NEBL: variants seen among roughly 807,000 people sequenced by gnomAD.
NEBL encodes nebulette.
NEBL carries 122 observed loss-of-function variants against 140.2 expected under a neutral mutation model. The observed-to-expected ratio is 0.87, with a 90% confidence interval of 0.75 to 1.01. The LOEUF (loss-of-function observed/expected upper bound fraction) is 1.01, where lower values mean the gene tolerates loss of function less well. Among genes scored for constraint, NEBL ranks in the 50% least tolerant of loss-of-function variants. The pLI is 0.00. For missense variants in NEBL, 1,365 were observed against 1,231.3 expected (o/e 1.11, Z -1.62); for synonymous variants, 436 against 398.9 (o/e 1.09, Z -1.11).
At chr10:20,955,669 T>C (rs1173053473) in intron 4 of NEBL, among the ~76,000 whole-genome samples, 1 of 152,128 alleles carries the variant, frequency 6.6e-6, no homozygotes, top group Non-Finnish European at 1.5e-5. Context: ...GAAAGTATTT[T>C]AGTGGGTCAT....
intron 3 of NEBL, among the ~76,000 whole-genome samples, chr10:21,244,999 A>C (rs139701484): frequency 0.015 from 2,340 of 151,932 alleles, 55 homozygotes; most frequent in African/African-American, 0.052. Flanking sequence ...TCTAAAAAAA[A>C]AAAAAAAAAT....
In NEBL at chr10:20,785,914, G is replaced by A. The variant is rs778566872; in HGVS notation, c.2878C>T (p.Arg960Ter). 5 of 1,613,662 alleles carry A rather than the reference G, an allele frequency of 3.1e-6. No individual in the cohort carries two copies. The highest frequency in any genetic ancestry group is 4.2e-6 in the Non-Finnish European group (5 of 1,179,828). ...MQHSPNLRTY[R>*]AMYDYSAQDE... is the part of the protein sequence containing the mutation. ...TGGGCACTGTAATCGTACATGGCTC[G>A]GTAGGTCCTCTGAGAAAGGAAGAAG... The change falls in exon 28 of 28, where the codon CGA (arginine) becomes TGA (stop). Residue 960 changes from arginine (R) to a stop codon, truncating the protein, a stop_gained. Transcript: ENST00000377122. LOFTEE classifies it high-confidence loss of function.
At position 20,933,426 on chromosome 10, in the gene NEBL, A is replaced by T. The variant is rs75839660; in HGVS notation, c.357+28246T>A. The stretch of plus-strand genomic sequence containing the variant: ...TCACTCTCAGGAGTGGCAGGTAAAT[A>T]TAAACCTTAAAAAGTTACAGAAGAA... On this transcript the variant is annotated intron_variant, in intron 4 of 6. Transcript: ENST00000417816. Among the ~76,000 whole-genome samples the T allele has an allele frequency of 1.8e-3, 277 of 152,318 alleles. 8 individuals carry two copies. The East Asian group carries it at 0.045, about 25-fold the overall frequency.
intron 4 of NEBL, among the ~76,000 whole-genome samples, chr10:20,959,687 T>G (rs1314992755): frequency 1.3e-5 from 2 of 152,114 alleles, no homozygotes; most frequent in Non-Finnish European, 2.9e-5. Flanking sequence ...CTATATTTTT[T>G]ACAGCTATCC....
Position 20,868,762 on chromosome 10 carries a change from C to T in NEBL, c.586G>A (p.Glu196Lys). The change falls in exon 7 of 28, where the codon GAA (glutamate) becomes AAA (lysine). Residue 196 changes from glutamate to lysine, a missense_variant. Physicochemically the swap from Glu to Lys is moderately conservative, Grantham distance 56. Transcript: ENST00000377122. ...TQISKIISNA[E>K]YKKGQGIMNK... ...ATTATTCCTTGTCCTTTCTTGTATT[C>T]TGCCTAAAATGAATAAATAAGACAA... 6.3e-7 allele frequency: 1 copy of T among 1,595,622 alleles called. No homozygotes were observed. The highest frequency in any genetic ancestry group is 1.1e-5 in the South Asian group (1 of 90,700).
At chr10:21,066,702 AAG>A (rs1348976615) in intron 2 of NEBL, among the ~76,000 whole-genome samples, 13 of 152,328 alleles carry the variant, frequency 8.5e-5, no homozygotes, top group Admixed American at 2.0e-4. Context: ...ACAGCAATAC[AAG>A]AGAGAGCAAT....
intron 4 of NEBL, among the ~76,000 whole-genome samples, chr10:20,927,337 T>C (rs1589025119): frequency 6.6e-6 from 1 of 152,368 alleles, no homozygotes; most frequent in Non-Finnish European, 1.5e-5. Context: ...TCACAAAGAT[T>C]CTTTATGAAA....
At chr10:21,070,432 G>T (rs763256950) in intron 2 of NEBL, among the ~76,000 whole-genome samples, 1 of 152,024 alleles carries the variant, frequency 6.6e-6, no homozygotes, top group South Asian at 2.1e-4. Context: ...AATATATCAC[G>T]TATGTATTTT....
At chr10:21,101,497 C>G (rs536966620) in intron 2 of NEBL, among the ~76,000 whole-genome samples, 13 of 152,282 alleles carry the variant, frequency 8.5e-5, no homozygotes, top group African/African-American at 3.1e-4. Flanking sequence ...AACATCTGGA[C>G]AAAGGCAAGA....
At chr10:21,096,953 A>G (rs1412658704) in intron 2 of NEBL, among the ~76,000 whole-genome samples, 1 of 151,994 alleles carries the variant, frequency 6.6e-6, no homozygotes, top group African/African-American at 2.4e-5. Context: ...TCTCTATTAC[A>G]AAAAGGCTCA....
chr10:21,074,288 C>T (rs890492924), intron 2 of NEBL, among the ~76,000 whole-genome samples: 2 of 152,026 alleles, frequency 1.3e-5, no homozygotes, highest in Non-Finnish European at 2.9e-5. Flanking sequence ...CTCTACACAT[C>T]TTTAAGTCTC....
At chr10:21,042,849 T>C (rs1834334604) in intron 2 of NEBL, among the ~76,000 whole-genome samples, 1 of 152,222 alleles carries the variant, frequency 6.6e-6, no homozygotes, top group African/African-American at 2.4e-5. Context: ...CAAAAACAAA[T>C]GGCTTTCACA....
At chr10:21,065,286 C>G (rs1221374294) in intron 2 of NEBL, among the ~76,000 whole-genome samples, 1 of 152,172 alleles carries the variant, frequency 6.6e-6, no homozygotes, top group African/African-American at 2.4e-5. Flanking sequence ...TTCTGATGAA[C>G]ACACTTTGTT....
At chr10:20,905,183 G>A (rs45586536) in intron 4 of NEBL, among the ~76,000 whole-genome samples, 1 of 152,100 alleles carries the variant, frequency 6.6e-6, no homozygotes, top group African/African-American at 2.4e-5. Context: ...TAGATGATTT[G>A]GCACTTTTTG....
chr10:21,239,809 G>T lies in NEBL; in HGVS notation n.348+8112C>A, dbSNP rs148658285. 3.3e-3 allele frequency among the ~76,000 whole-genome samples: 504 copies of T among 152,226 alleles called. 3 individuals are homozygous for T. The highest frequency in any genetic ancestry group is 0.012 in the African/African-American group (483 of 41,560). On this transcript the variant is annotated intron_variant and non_coding_transcript_variant, in intron 3 of 8. Transcript: ENST00000675702. ...AGGTGGGCGGATTACAAGGTCAGGA[G>T]ATCAAGACCATCCTAGCTAACATGG... is the stretch of plus-strand genomic sequence containing the variant.
At position 21,234,250 on chromosome 10, in the gene NEBL, C is replaced by T. The variant is rs185473980; in HGVS notation, n.348+13671G>A. On this transcript the variant is annotated intron_variant and non_coding_transcript_variant, in intron 3 of 8. Transcript: ENST00000675702. ...AAATCACATGTTGAAATGTAATCCC[C>T]GGTGTTGGAGGTGGGGTCTGGTGGG... Among the ~76,000 whole-genome samples, 61 of 152,056 alleles carry T rather than the reference C, an allele frequency of 4.0e-4. No individual in the cohort carries two copies. In the East Asian group the frequency reaches 0.011, roughly 27 times the overall value.
intron 12 of NEBL, among the ~76,000 whole-genome samples, chr10:20,842,235 A>T (rs1841469444): frequency 6.6e-6 from 1 of 152,106 alleles, no homozygotes; most frequent in Non-Finnish European, 1.5e-5. Context: ...TTTTGGAATG[A>T]TCTGAGTCAA....
At chr10:21,055,341 A>G (rs1213121831) in intron 2 of NEBL, among the ~76,000 whole-genome samples, 1 of 152,238 alleles carries the variant, frequency 6.6e-6, no homozygotes, top group East Asian at 1.9e-4. Flanking sequence ...AGCTAACAAG[A>G]AATTTCTAAA....
intron 2 of NEBL, among the ~76,000 whole-genome samples, chr10:21,055,632 A>C (rs566534624): frequency 3.9e-5 from 6 of 152,270 alleles, no homozygotes; most frequent in Middle Eastern, 3.4e-3. Flanking sequence ...CTAAAATGGC[A>C]ATAATAACAG....
Sources: gnomAD v4.1 joint callset for allele counts (sites outside exome capture counted in the v4.1 genomes callset) on GRCh38, gnomAD v4.1.1 for gene constraint, MANE v1.5 for transcripts, NCBI Gene and HGNC (gene_info 2026-07-23, HGNC 2026-07-21) for gene names.